The following CDK7 variants were observed in gnomAD, a reference collection of about 807,000 sequenced individuals.
CDK7 encodes cyclin dependent kinase 7.
A neutral mutation model predicts 49.1 loss-of-function variants in CDK7; 25 were observed. The observed-to-expected ratio is 0.51, with a 90% CI of 0.37 to 0.71. The LOEUF is 0.71. CDK7 is among the 30% of genes least tolerant of loss of function. The probability of loss-of-function intolerance (pLI) is 0.00; values close to 1 mark genes in which losing one functional copy is unlikely to be tolerated. For synonymous variants in CDK7, 107 were observed against 140.0 expected, an observed-to-expected ratio of 0.76 and a Z score of 1.67; for missense variants, 316 against 411.7, an observed-to-expected ratio of 0.77 and a Z score of 2.01.
intron 9 of CDK7, among the ~76,000 whole-genome samples, chr5:69,272,139 T>C (rs1751621274): frequency 6.6e-6 from 1 of 152,124 alleles, no homozygotes; most frequent in South Asian, 2.1e-4. Flanking sequence ...GCAGTATTTG[T>C]TGAAATGACG....
At chr5:69,273,497 GAGAA>G (rs1751779201) in intron 10 of CDK7, among the ~76,000 whole-genome samples, 1 of 152,074 alleles carries the variant, frequency 6.6e-6, no homozygotes, top group Non-Finnish European at 1.5e-5. Flanking sequence ...TTCTCACATT[GAGAA>G]CATGGTAATG....
At chr5:69,275,608 C>A (rs1561381413) in intron 10 of CDK7, among the ~76,000 whole-genome samples, 1 of 152,144 alleles carries the variant, frequency 6.6e-6, no homozygotes, top group Non-Finnish European at 1.5e-5. Flanking sequence ...GAAAATTCTA[C>A]ACATAAGGAC....
At chr5:69,261,524 G>GTGTA (rs150544036) in intron 7 of CDK7, among the ~76,000 whole-genome samples, 1 of 86,596 alleles carries the variant, frequency 1.2e-5, no homozygotes, top group Non-Finnish European at 3.1e-5. Context: ...GTGTGTGTGT[G>GTGTA]TATGTGTGTG....
chr5:69,260,082 C>T, intron 7 of CDK7, 146 bp downstream of exon 7: 1 of 600,700 alleles, frequency 1.7e-6, no homozygotes, highest in Non-Finnish European at 2.9e-6. Context: ...GGCGCGGTGA[C>T]TCATGCCTGT....
chr5:69,250,244 AG>A (rs1750050493), intron 2 of CDK7, among the ~76,000 whole-genome samples: 1 of 152,206 alleles, frequency 6.6e-6, no homozygotes, highest in South Asian at 2.1e-4. Context: ...CAAAGGGAAT[AG>A]AGTGTTGCAA....
intron 2 of CDK7, among the ~76,000 whole-genome samples, chr5:69,246,706 T>G (rs1749777305): frequency 6.9e-6 from 1 of 145,128 alleles, no homozygotes; most frequent in South Asian, 2.2e-4. Flanking sequence ...GTTTTGTTTT[T>G]GGTTTTTTTT....
At chr5:69,257,322 A>C (rs992687476) in intron 5 of CDK7, among the ~76,000 whole-genome samples, 1 of 152,158 alleles carries the variant, frequency 6.6e-6, no homozygotes, top group Admixed American at 6.6e-5. Flanking sequence ...CTTTACCTTA[A>C]ATCTGATTTT....
At chr5:69,250,724 C>A (rs1413814946) in intron 2 of CDK7, 1 of 456,518 alleles carries the variant, frequency 2.2e-6, no homozygotes, top group Non-Finnish European at 4.4e-6. Context: ...CTTTACTCTT[C>A]CCTCTCATTT....
At chr5:69,240,492 G>A (rs1448136119) in intron 2 of CDK7, among the ~76,000 whole-genome samples, 3 of 151,228 alleles carry the variant, frequency 2.0e-5, no homozygotes, top group African/African-American at 7.4e-5. Context: ...CAACAAAAAG[G>A]AGAGGTTGGA....
chr5:69,249,864 T>G (rs1008802885), intron 2 of CDK7, among the ~76,000 whole-genome samples: 3 of 152,190 alleles, frequency 2.0e-5, no homozygotes, highest in African/African-American at 7.2e-5. Flanking sequence ...CAAAGACTGA[T>G]GCATTCTTGA....
chr5:69,266,961 A>G (rs1231357238), intron 8 of CDK7, among the ~76,000 whole-genome samples: 2 of 152,198 alleles, frequency 1.3e-5, no homozygotes, highest in African/African-American at 4.8e-5. Context: ...TGATGGGTCA[A>G]AGAACCAATT....
chr5:69,265,293 T>C (rs2150221571), intron 8 of CDK7, among the ~76,000 whole-genome samples: 1 of 149,592 alleles, frequency 6.7e-6, no homozygotes, highest in East Asian at 2.0e-4. Flanking sequence ...TGAGTACAAT[T>C]ATGAAAATTA....
intron 4 of CDK7, 149 bp from the exon 5 acceptor site, chr5:69,255,311 A>G: frequency 1.9e-6 from 1 of 517,850 alleles, no homozygotes; most frequent in Non-Finnish European, 3.4e-6. Context: ...CCAAAAAAGG[A>G]CAAATGTCAA....
At chr5:69,251,287 A>G (rs532635688) in intron 2 of CDK7, among the ~76,000 whole-genome samples, 6 of 151,932 alleles carry the variant, frequency 3.9e-5, no homozygotes, top group African/African-American at 1.4e-4. Context: ...TTTAATAGAG[A>G]CGGGGTTTCA....
intron 2 of CDK7, chr5:69,250,646 C>T (rs184281777): frequency 2.2e-6 from 1 of 453,598 alleles, no homozygotes; most frequent in East Asian, 7.0e-5. Context: ...TTCATGGACC[C>T]TAGTAGCCCA....
chr5:69,275,892 C>A (rs1352922658), intron 10 of CDK7, among the ~76,000 whole-genome samples: 1 of 152,138 alleles, frequency 6.6e-6, no homozygotes, highest in Non-Finnish European at 1.5e-5. Flanking sequence ...ATCTTGGCTT[C>A]CATCCCCAAG....
chr5:69,240,490 AG>A (rs1749292173), intron 2 of CDK7, among the ~76,000 whole-genome samples: 1 of 151,292 alleles, frequency 6.6e-6, no homozygotes, highest in South Asian at 2.1e-4. Context: ...GGCAACAAAA[AG>A]GAGAGGTTGG....
intron 9 of CDK7, 145 bp downstream of exon 9, chr5:69,269,438 AT>A (rs1164341507): frequency 3.9e-5 from 21 of 538,484 alleles, no homozygotes; most frequent in African/African-American, 3.7e-4. Flanking sequence ...GATAAAGTAT[AT>A]AAAGTAAGAA....
intron 8 of CDK7, among the ~76,000 whole-genome samples, chr5:69,265,885 G>C (rs1751121411): frequency 6.6e-6 from 1 of 151,900 alleles, no homozygotes; most frequent in African/African-American, 2.4e-5. Flanking sequence ...ACTCCAGCCT[G>C]GGTGACAGAG....
Sources: gnomAD v4.1 joint callset for allele counts (sites outside exome capture counted in the v4.1 genomes callset) on GRCh38, gnomAD v4.1.1 for gene constraint, MANE v1.5 for transcripts, NCBI Gene and HGNC (gene_info 2026-07-23, HGNC 2026-07-21) for gene names.